Variants in DNAH14 observed in about 807,000 individuals in gnomAD.
DNAH14 encodes the protein dynein axonemal heavy chain 14.
DNAH14 carries 478 observed loss-of-function variants against 520.9 expected under a neutral mutation model. That is an observed-to-expected ratio of 0.92 (90% CI 0.85 to 0.99). The LOEUF is 0.99. DNAH14 is among the 50% of genes least tolerant of loss of function. DNAH14 has a pLI of 0.00. For missense variants in DNAH14, 4,831 were observed against 5,234.5 expected, an observed-to-expected ratio of 0.92 and a Z score of 2.38; for synonymous variants, 1,581 against 1,757.2, an observed-to-expected ratio of 0.90 and a Z score of 2.51.
chr1:225,393,814 G>GTTT (rs1354333069), intron 84 of DNAH14, among the ~76,000 whole-genome samples: 3 of 143,192 alleles, frequency 2.1e-5, no homozygotes, highest in African/African-American at 2.7e-5. Flanking sequence ...ATCTTTTTTT[G>GTTT]TTTTTTTTTT....
chr1:225,210,414 G>A (rs2088217566), intron 41 of DNAH14, among the ~76,000 whole-genome samples: 1 of 152,148 alleles, frequency 6.6e-6, no homozygotes, highest in East Asian at 1.9e-4. Flanking sequence ...ACTAGGCAGA[G>A]CCCAACACAG....
intron 49 of DNAH14, among the ~76,000 whole-genome samples, chr1:225,269,079 T>C (rs1284450939): frequency 2.6e-5 from 4 of 152,146 alleles, no homozygotes; most frequent in East Asian, 1.9e-4. Flanking sequence ...CTTCAAACTA[T>C]ACTACAAGGC....
At chr1:224,952,808 T>G in intron 2 of DNAH14, 29 bp downstream of exon 2, 1 of 1,522,330 alleles carries the variant, frequency 6.6e-7, no homozygotes, top group Non-Finnish European at 8.8e-7. Flanking sequence ...ATAATGAGTT[T>G]TTTTCTAAAG....
intron 41 of DNAH14, among the ~76,000 whole-genome samples, chr1:225,207,797 A>T (rs1181622804): frequency 1.3e-5 from 2 of 152,204 alleles, no homozygotes; most frequent in Non-Finnish European, 2.9e-5. Flanking sequence ...AATCATTATA[A>T]ATCCCTGAGG....
intron 8 of DNAH14, among the ~76,000 whole-genome samples, chr1:225,000,839 T>C (rs1453613754): frequency 6.6e-6 from 1 of 152,150 alleles, no homozygotes; most frequent in Non-Finnish European, 1.5e-5. Flanking sequence ...TTCTAAAATT[T>C]CCATTTGGTT....
At chr1:225,198,221 A>AT (rs35210664) in intron 38 of DNAH14, among the ~76,000 whole-genome samples, 230 of 144,698 alleles carry the variant, frequency 1.6e-3, no homozygotes, top group Admixed American at 1.9e-3. Flanking sequence ...TTGTATGCCA[A>AT]TTTTTTTTTT....
rs2094799271 is a variant in DNAH14 at position 225,331,582 on chromosome 1, G to A, written c.9864+5G>A. The A allele has an allele frequency of 1.9e-6, 3 of 1,551,022 alleles. No homozygotes were observed. Among genetic ancestry groups the A allele is most frequent in the Non-Finnish European group, 2.6e-6 (3 of 1,146,716 alleles). On this transcript the variant is annotated splice_donor_5th_base_variant and intron_variant, in intron 65 of 85. Transcript: ENST00000682510. ...ACTGTCCTGGAAGATGAGAAGGCAT[G>A]ACTTACTTTGGTCTTATATCTCGTC...
chr1:225,283,922 CTCCTAAA>C (rs1307242303), intron 54 of DNAH14, among the ~76,000 whole-genome samples: 1 of 152,068 alleles, frequency 6.6e-6, no homozygotes, highest in African/African-American at 2.4e-5. Flanking sequence ...TTACAACGTA[CTCCTAAA>C]TGGGTGAAAG....
intron 74 of DNAH14, 110 bp downstream of exon 74, chr1:225,358,762 A>T: frequency 8.6e-7 from 1 of 1,163,066 alleles, no homozygotes; most frequent in Non-Finnish European, 1.2e-6. Context: ...CAAGGGCGAG[A>T]CCAGGTAGAG....
intron 27 of DNAH14, among the ~76,000 whole-genome samples, chr1:225,130,218 G>T (rs1313497805): frequency 3.3e-5 from 5 of 152,106 alleles, no homozygotes. Context: ...TACACTGTTG[G>T]TGGGACTGTA....
At chr1:225,128,398 A>G (rs3991375) in intron 27 of DNAH14, among the ~76,000 whole-genome samples, 19,059 of 152,040 alleles carry the variant, frequency 0.13, 3,691 homozygotes, top group African/African-American at 0.42. Flanking sequence ...CTTGATGAAC[A>G]TCGATGCAAA....
intron 51 of DNAH14, 31 bp from the exon 52 acceptor site, chr1:225,272,924 T>A (rs656649): frequency 0.26 from 390,002 of 1,487,552 alleles, 57,081 homozygotes; most frequent in East Asian, 0.61. Flanking sequence ...TAATTTTTTT[T>A]AAAAAAACGT....
At chr1:225,346,979 G>A (rs76806803) in intron 71 of DNAH14, among the ~76,000 whole-genome samples, 1,981 of 152,128 alleles carry the variant, frequency 0.013, 42 homozygotes, top group African/African-American at 0.044. Context: ...ACTTTCTTAC[G>A]AAAACCTGGT....
chr1:225,298,750 A>T (rs1392492986), intron 55 of DNAH14, among the ~76,000 whole-genome samples: 1 of 152,190 alleles, frequency 6.6e-6, no homozygotes, highest in African/African-American at 2.4e-5. Context: ...TGTTCTCCCA[A>T]TCCAGAGCAA....
chr1:225,198,355 C>G (rs888279234), intron 38 of DNAH14, among the ~76,000 whole-genome samples: 5 of 151,828 alleles, frequency 3.3e-5, no homozygotes, highest in Admixed American at 2.6e-4. Context: ...GTAGCTGGGA[C>G]TAAGGCACCC....
chr1:225,171,440 C>G (rs777579337), intron 36 of DNAH14, among the ~76,000 whole-genome samples: 2 of 152,094 alleles, frequency 1.3e-5, no homozygotes, highest in Non-Finnish European at 2.9e-5. Flanking sequence ...AAGGGGATAT[C>G]ACCACCGATC....
In DNAH14 at chr1:225,335,952, TATACAC is replaced by T. The variant is rs2095026530; in HGVS notation, c.10081-1310_10081-1305del. Among the ~76,000 whole-genome samples, 2 of 144,708 alleles carry T rather than the reference TATACAC, an allele frequency of 1.4e-5. 1 individual carries two copies. The highest frequency in any genetic ancestry group is 4.3e-4 in the South Asian group (2 of 4,690). The allele number at this position is 144,708 out of a possible 152,430, so 94.9% of individuals were successfully genotyped here. On this transcript the variant is annotated intron_variant, in intron 66 of 85. Transcript: ENST00000682510. ...ATACCTATATATACATATATGTATA[TATACAC>T]ATATACATATATGTACATATGTGTA...
chr1:225,095,216 C>G (rs1175578721), intron 21 of DNAH14, among the ~76,000 whole-genome samples: 2 of 152,140 alleles, frequency 1.3e-5, no homozygotes, highest in Admixed American at 1.3e-4. Flanking sequence ...CATCACAGCA[C>G]TATTCACAAT....
Position 225,002,898 on chromosome 1 carries a change from A to C in DNAH14, c.946A>C (p.Asn316His). The part of the protein sequence containing the change: ...INLKNYNDHE[N>H]NLSAICLVKL... ...TCTCAAAAATTATAATGACCATGAA[A>C]ATAATCTATCTGCCATATGCCTTGT... is the stretch of plus-strand genomic sequence containing the variant. The change falls in exon 9 of 86, where the codon AAT becomes CAT. Residue 316 changes from asparagine (N) to histidine (H), a missense_variant. Asn to His is a moderately conservative substitution (Grantham distance 68). Coordinates refer to ENST00000682510, the MANE Select transcript of DNAH14 (RefSeq NM_001367479.1). 6.5e-7 allele frequency: 1 copy of C among 1,549,336 alleles called. No individual in the cohort carries two copies. Among genetic ancestry groups the C allele is most frequent in the Non-Finnish European group, 8.7e-7 (1 of 1,145,500 alleles).
Sources: allele counts gnomAD v4.1 joint callset (sites outside exome capture counted in the v4.1 genomes callset), GRCh38; gene constraint gnomAD v4.1.1; transcripts MANE v1.5; gene names NCBI Gene and HGNC (gene_info 2026-07-23, HGNC 2026-07-21).